ADK: variants seen among roughly 807,000 people sequenced by gnomAD.
The protein encoded by ADK is adenosine kinase, also known as N6,N6-dimethyladenosine kinase.
ADK carries 24 observed loss-of-function variants against 44.7 expected under a neutral mutation model. The observed-to-expected ratio is 0.54, with a 90% CI of 0.39 to 0.76. The LOEUF is 0.76. Ranked by LOEUF, ADK falls within the 30% of genes least tolerant of loss-of-function variation. The pLI is 0.00. For missense variants in ADK, 321 were observed against 425.1 expected, an observed-to-expected ratio of 0.76 and a Z score of 2.15; for synonymous variants, 128 against 142.6, an observed-to-expected ratio of 0.90 and a Z score of 0.73.
chr10:74,480,089 T>A (rs954170850), intron 6 of ADK, among the ~76,000 whole-genome samples: 2 of 152,148 alleles, frequency 1.3e-5, no homozygotes, highest in Non-Finnish European at 1.5e-5. Flanking sequence ...TACTTTATAC[T>A]TTTTCCTACA....
chr10:74,641,130 C>T (rs1853826061), intron 9 of ADK, among the ~76,000 whole-genome samples: 1 of 152,174 alleles, frequency 6.6e-6, no homozygotes, highest in Non-Finnish European at 1.5e-5. Context: ...AAGAGAGTCT[C>T]AAGGGCTTGT....
chr10:74,278,181 C>G (rs1247478798), intron 3 of ADK, among the ~76,000 whole-genome samples: 1 of 151,432 alleles, frequency 6.6e-6, no homozygotes, highest in Non-Finnish European at 1.5e-5. Flanking sequence ...TGGCAAAACC[C>G]CATCTCTACT....
intron 6 of ADK, among the ~76,000 whole-genome samples, chr10:74,432,598 G>A (rs1417912588): frequency 6.6e-6 from 1 of 151,950 alleles, no homozygotes; most frequent in African/African-American, 2.4e-5. Context: ...TTCTTCATCA[G>A]TTCCATGCAT....
rs72380023 is a variant in ADK, at chr10:74,249,496, T to TACACACACACAC, written c.194+24925_194+24936dup. Among the ~76,000 whole-genome samples, 9 of 149,162 alleles carry TACACACACACAC rather than the reference T, an allele frequency of 6.0e-5. 1 individual carries two copies. Among genetic ancestry groups the TACACACACACAC allele is most frequent in the Middle Eastern group, 3.4e-3 (1 of 290 alleles). On this transcript the variant is annotated intron_variant, in intron 3 of 10. Transcript: ENST00000539909. Reference sequence around the variant, plus strand: ...TTTATTGTATATGCATGTACATGCATACACACACACACACACACACACACA... The same window carrying TACACACACACAC: ...TTTATTGTATATGCATGTACATGCATACACACACACACACACACACACACACACACACACACA...
intron 6 of ADK, among the ~76,000 whole-genome samples, chr10:74,485,501 AT>A (rs1847235643): frequency 6.8e-6 from 1 of 147,830 alleles, no homozygotes; most frequent in Non-Finnish European, 1.5e-5. Flanking sequence ...AAATAAATAA[AT>A]AAATAATCCT....
At chr10:74,442,337 T>G (rs183129968) in intron 6 of ADK, among the ~76,000 whole-genome samples, 1 of 152,140 alleles carries the variant, frequency 6.6e-6, no homozygotes, top group Admixed American at 6.5e-5. Context: ...AACAATCTCA[T>G]TTTTGGATAT....
At chr10:74,395,736 T>C (rs1843482551) in intron 5 of ADK, among the ~76,000 whole-genome samples, 1 of 152,178 alleles carries the variant, frequency 6.6e-6, no homozygotes. Flanking sequence ...AGAACAGTTA[T>C]GGTTGGGTGC....
chr10:74,658,554 G>A (rs1467605203), intron 9 of ADK, among the ~76,000 whole-genome samples: 1 of 151,948 alleles, frequency 6.6e-6, no homozygotes, highest in Non-Finnish European at 1.5e-5. Context: ...ACCTTAGTTA[G>A]CCTCCCAAGT....
At chr10:74,593,241 G>T (rs1444773249) in intron 8 of ADK, among the ~76,000 whole-genome samples, 4 of 152,148 alleles carry the variant, frequency 2.6e-5, no homozygotes, top group Non-Finnish European at 5.9e-5. Context: ...GACAATTTTA[G>T]AACAGTTCAG....
chr10:74,416,015 T>TACAC (rs951562488), intron 6 of ADK, among the ~76,000 whole-genome samples: 1 of 129,174 alleles, frequency 7.7e-6, no homozygotes, highest in African/African-American at 2.8e-5. Context: ...CATTTATATA[T>TACAC]ACACACACAT....
At chr10:74,387,025 C>A (rs1042221587) in intron 4 of ADK, among the ~76,000 whole-genome samples, 1 of 152,032 alleles carries the variant, frequency 6.6e-6, no homozygotes, top group African/African-American at 2.4e-5. Context: ...CAGCCTCCAC[C>A]TCCTGAGTTC....
At chr10:74,406,526 T>TAATAATAAGAAGAAG (rs1178601985) in intron 6 of ADK, among the ~76,000 whole-genome samples, 1 of 136,126 alleles carries the variant, frequency 7.3e-6, no homozygotes, top group African/African-American at 2.8e-5. Flanking sequence ...ATAATAATAA[T>TAATAATAAGAAGAAG]AAGAAGAAGA....
intron 4 of ADK, among the ~76,000 whole-genome samples, chr10:74,367,142 C>G (rs528267137): frequency 3.0e-4 from 46 of 152,230 alleles, no homozygotes; most frequent in Middle Eastern, 3.4e-3. Context: ...CTCCATGAAA[C>G]CAGCTTTAAT....
At chr10:74,453,033 T>G (rs186607131) in intron 6 of ADK, among the ~76,000 whole-genome samples, 502 of 152,178 alleles carry the variant, frequency 3.3e-3, no homozygotes, top group Non-Finnish European at 3.9e-3. Context: ...TTTTACATTT[T>G]GCTCATTTGT....
intron 6 of ADK, among the ~76,000 whole-genome samples, chr10:74,406,702 A>T (rs928022212): frequency 1.1e-5 from 1 of 93,370 alleles, no homozygotes; most frequent in Non-Finnish European, 2.6e-5. Context: ...ATTTTTTGAG[A>T]TGGAGTCTTG....
At position 74,631,768 on chromosome 10, in the gene ADK, A is replaced by G. The variant is rs193189355; in HGVS notation, c.877+31275A>G. 1.2e-4 allele frequency among the ~76,000 whole-genome samples: 19 copies of G among 152,286 alleles called. No individual in the cohort carries two copies. In the East Asian group the frequency reaches 3.3e-3, roughly 26 times the overall value. ...TTTTAATTAAGTTTTTTAAATATATAGAAAATTACCATGGTTCTAAAAGTC... is the reference window on the plus strand; with the variant it reads ...TTTTAATTAAGTTTTTTAAATATATGGAAAATTACCATGGTTCTAAAAGTC... On this transcript the variant is annotated intron_variant, in intron 9 of 10. Coordinates refer to ENST00000539909, the MANE Select transcript of ADK (RefSeq NM_006721.4).
At chr10:74,389,866 T>C (rs1293465288) in intron 4 of ADK, among the ~76,000 whole-genome samples, 1 of 152,164 alleles carries the variant, frequency 6.6e-6, no homozygotes, top group Non-Finnish European at 1.5e-5. Context: ...TATGGAGTAG[T>C]TAGTAAATCA....
At chr10:74,387,788 T>A (rs1564692201) in intron 4 of ADK, among the ~76,000 whole-genome samples, 1 of 152,236 alleles carries the variant, frequency 6.6e-6, no homozygotes, top group African/African-American at 2.4e-5. Context: ...TATAATTACT[T>A]AAAGTATAAC....
At chr10:74,566,537 C>A (rs1031304631) in intron 7 of ADK, among the ~76,000 whole-genome samples, 1 of 152,096 alleles carries the variant, frequency 6.6e-6, no homozygotes, top group East Asian at 1.9e-4. Context: ...ACCATAATCA[C>A]TTATCTATTT....
Sources: gnomAD v4.1 joint callset for allele counts (sites outside exome capture counted in the v4.1 genomes callset) on GRCh38, gnomAD v4.1.1 for gene constraint, MANE v1.5 for transcripts, NCBI Gene and HGNC (gene_info 2026-07-23, HGNC 2026-07-21) for gene names.